NELL1: variants seen among roughly 807,000 people sequenced by gnomAD.
NELL1 encodes neural EGFL like 1.
A neutral mutation model predicts 107.4 loss-of-function variants in NELL1; 76 were observed. The ratio of observed to expected loss-of-function variants is 0.71; its 90% confidence interval spans 0.59 to 0.86. The LOEUF (loss-of-function observed/expected upper bound fraction) is 0.86, where lower values mean the gene tolerates loss of function less well. Among genes scored for constraint, NELL1 ranks in the 40% least tolerant of loss-of-function variants. The probability of loss-of-function intolerance (pLI) is 0.00; values close to 1 mark genes in which losing one functional copy is unlikely to be tolerated. For missense variants in NELL1, 1,024 were observed against 1,005.5 expected, an observed-to-expected ratio of 1.02 and a Z score of -0.25; for synonymous variants, 353 against 341.2, an observed-to-expected ratio of 1.03 and a Z score of -0.38.
In NELL1 at chr11:20,717,920, A is replaced by G. The variant is rs186040136; in HGVS notation, c.184+39860A>G. ...TGGTGTTAGTGTAGCCCCTGTCACA[A>G]TATTAACTTGTAGTAAACTTATTGT... On this transcript the variant is annotated intron_variant, in intron 2 of 19. Coordinates refer to ENST00000357134, the MANE Select transcript of NELL1 (RefSeq NM_006157.5). Among the ~76,000 whole-genome samples, 62 of 152,310 alleles carry G rather than the reference A, an allele frequency of 4.1e-4. No individual in the cohort carries two copies. In the East Asian group the frequency reaches 0.012, roughly 28 times the overall value.
At chr11:21,363,885 A>C (rs1337890482) in intron 14 of NELL1, among the ~76,000 whole-genome samples, 2 of 152,106 alleles carry the variant, frequency 1.3e-5, no homozygotes, top group African/African-American at 2.4e-5. Context: ...CCAAAAATGA[A>C]ATGCAGAGGA....
At chr11:21,250,714 C>T (rs1242578053) in intron 14 of NELL1, among the ~76,000 whole-genome samples, 1 of 152,136 alleles carries the variant, frequency 6.6e-6, no homozygotes, top group Non-Finnish European at 1.5e-5. Flanking sequence ...CTTGACATTG[C>T]AGATTATAAA....
intron 12 of NELL1, among the ~76,000 whole-genome samples, chr11:21,004,401 G>A (rs1328374422): frequency 6.6e-6 from 1 of 151,830 alleles, no homozygotes; most frequent in African/African-American, 2.4e-5. Context: ...TGTCTTGCTC[G>A]ATTATGATTC....
intron 2 of NELL1, among the ~76,000 whole-genome samples, chr11:20,722,757 C>T (rs1564880004): frequency 6.6e-6 from 1 of 152,090 alleles, no homozygotes; most frequent in Non-Finnish European, 1.5e-5. Flanking sequence ...AGTTCATTAC[C>T]AAGCAAGCCA....
At chr11:20,977,237 T>C (rs1254797783) in intron 12 of NELL1, among the ~76,000 whole-genome samples, 3 of 151,652 alleles carry the variant, frequency 2.0e-5, no homozygotes, top group Admixed American at 6.6e-5. Flanking sequence ...TAAAGTGACA[T>C]GTCCAAGATT....
At chr11:20,832,371 G>T (rs939805330) in intron 3 of NELL1, among the ~76,000 whole-genome samples, 1 of 152,126 alleles carries the variant, frequency 6.6e-6, no homozygotes, top group Non-Finnish European at 1.5e-5. Flanking sequence ...GTACTTATCC[G>T]TTTTCAATTT....
intron 12 of NELL1, among the ~76,000 whole-genome samples, chr11:21,099,440 T>C (rs1490965179): frequency 6.6e-6 from 1 of 152,006 alleles, no homozygotes; most frequent in East Asian, 1.9e-4. Context: ...GGGCATTGGC[T>C]GGCTCGGTGG....
intron 12 of NELL1, among the ~76,000 whole-genome samples, chr11:20,992,370 G>A (rs1263704017): frequency 6.6e-6 from 1 of 152,146 alleles, no homozygotes; most frequent in Non-Finnish European, 1.5e-5. Context: ...GAACGTTTTT[G>A]GGTATTTTGT....
chr11:21,046,259 A>T (rs1275105189), intron 12 of NELL1, among the ~76,000 whole-genome samples: 1 of 152,208 alleles, frequency 6.6e-6, no homozygotes, highest in Non-Finnish European at 1.5e-5. Context: ...TACACTTCTT[A>T]TTCTGGTGGC....
chr11:21,089,277 T>G (rs1339412022), intron 12 of NELL1, among the ~76,000 whole-genome samples: 1 of 152,258 alleles, frequency 6.6e-6, no homozygotes, highest in Non-Finnish European at 1.5e-5. Flanking sequence ...TTGTCTCATT[T>G]TTCATTCTCC....
At chr11:21,425,430 C>T (rs553129737) in intron 15 of NELL1, among the ~76,000 whole-genome samples, 1 of 152,196 alleles carries the variant, frequency 6.6e-6, no homozygotes, top group African/African-American at 2.4e-5. Flanking sequence ...AATTCAGGAC[C>T]TTGAGATGAG....
rs1486208436 is a variant in NELL1, at chr11:21,560,265, C to T, written c.1863C>T (p.Asp621=). 1 of 1,613,520 alleles carries T rather than the reference C, an allele frequency of 6.2e-7. No individual in the cohort carries two copies. The highest frequency in any genetic ancestry group is 8.5e-7 in the Non-Finnish European group (1 of 1,179,734). ...SACINLAGGF[D]CLCPSGPSCS... The stretch of plus-strand genomic sequence containing the variant: ...GCATCAACCTGGCAGGGGGCTTTGA[C>T]TGTCTCTGCCCCTCTGGGCCCTCCT... Residue 621 remains aspartate, a synonymous_variant, in exon 17 of 20, where the codon GAC becomes GAT. Transcript: ENST00000357134.
intron 13 of NELL1, among the ~76,000 whole-genome samples, chr11:21,115,413 CACAAAAGACAGA>C (rs1489317047): frequency 6.6e-6 from 1 of 150,928 alleles, no homozygotes; most frequent in Non-Finnish European, 1.5e-5. Flanking sequence ...TAAGAGGGAA[CACAAAAGACAGA>C]ACAAAAGAGA....
chr11:21,265,330 T>C (rs1309250081), intron 14 of NELL1, among the ~76,000 whole-genome samples: 3 of 152,128 alleles, frequency 2.0e-5, no homozygotes, highest in Admixed American at 2.0e-4. Flanking sequence ...AGTGTAAAAA[T>C]AGGGGTATCA....
intron 10 of NELL1, among the ~76,000 whole-genome samples, chr11:20,946,565 T>A (rs1850966063): frequency 6.6e-6 from 1 of 152,200 alleles, no homozygotes; most frequent in South Asian, 2.1e-4. Context: ...CTCAGCTAAC[T>A]GATCCTCTTT....
At chr11:21,218,346 A>T (rs970579798) in intron 13 of NELL1, among the ~76,000 whole-genome samples, 2 of 152,114 alleles carry the variant, frequency 1.3e-5, no homozygotes, top group African/African-American at 2.4e-5. Context: ...CAATTTTTAA[A>T]TTTTTTTAAA....
chr11:21,328,770 T>C (rs1850204966), intron 14 of NELL1, among the ~76,000 whole-genome samples: 1 of 152,186 alleles, frequency 6.6e-6, no homozygotes, highest in African/African-American at 2.4e-5. Context: ...ATGTGAGACA[T>C]GGAGTCAAAA....
chr11:20,872,685 T>TGG (rs1849226932), intron 4 of NELL1, among the ~76,000 whole-genome samples: 1 of 148,404 alleles, frequency 6.7e-6, no homozygotes, highest in Non-Finnish European at 1.5e-5. Flanking sequence ...TGTGTGTGTG[T>TGG]GTGTGTGTGT....
intron 15 of NELL1, among the ~76,000 whole-genome samples, chr11:21,488,414 G>A (rs570249712): frequency 6.6e-6 from 1 of 152,136 alleles, no homozygotes; most frequent in East Asian, 1.9e-4. Context: ...TTTGATTCTG[G>A]ATTTGTGCAG....
Sources: allele counts gnomAD v4.1 joint callset (sites outside exome capture counted in the v4.1 genomes callset), GRCh38; gene constraint gnomAD v4.1.1; transcripts MANE v1.5; gene names NCBI Gene and HGNC (gene_info 2026-07-23, HGNC 2026-07-21).